CCDC12: variants seen among roughly 807,000 people sequenced by gnomAD.
CCDC12 encodes the protein coiled-coil domain-containing protein 12.
In CCDC12, 28 loss-of-function variants were observed where a neutral mutation model predicts 25.7. That is an observed-to-expected ratio of 1.09 (90% CI 0.81 to 1.50). The LOEUF is 1.50. Among genes scored for constraint, CCDC12 ranks in the 40% most tolerant of loss-of-function variants. CCDC12 has a pLI of 0.00. For missense variants in CCDC12, 198 were observed against 210.0 expected (o/e 0.94, Z 0.35); for synonymous variants, 75 against 87.7 (o/e 0.86, Z 0.81).
chr3:46,934,990 C>T (rs2033387174), intron 2 of CCDC12, among the ~76,000 whole-genome samples: 1 of 152,212 alleles, frequency 6.6e-6, no homozygotes, highest in Admixed American at 6.5e-5. Flanking sequence ...CAGTGGGGCC[C>T]AGCACACAGA....
chr3:46,954,958 A>G (rs62248439), intron 1 of CCDC12, among the ~76,000 whole-genome samples: 55,511 of 151,732 alleles, frequency 0.37, 10,739 homozygotes, highest in Middle Eastern at 0.52. Flanking sequence ...CCGACAGCCA[A>G]CACCACAGCT....
At chr3:46,972,239 C>T (rs6442049) in intron 1 of CCDC12, among the ~76,000 whole-genome samples, 143,722 of 152,028 alleles carry the variant, frequency 0.95, 68,493 homozygotes, top group East Asian at 1. Flanking sequence ...GAGGCCAAAG[C>T]AGGAGGACTG....
At chr3:46,939,320 CACCT>C (rs1316893875) in intron 2 of CCDC12, among the ~76,000 whole-genome samples, 2 of 152,144 alleles carry the variant, frequency 1.3e-5, no homozygotes, top group Admixed American at 1.3e-4. Flanking sequence ...CCCACCCACC[CACCT>C]GCTAAACCAG....
intron 1 of CCDC12, among the ~76,000 whole-genome samples, chr3:46,944,458 G>C (rs1383984188): frequency 6.6e-6 from 1 of 152,108 alleles, no homozygotes; most frequent in East Asian, 1.9e-4. Flanking sequence ...CAGTAGGAAA[G>C]CAGGCAAGGC....
intron 1 of CCDC12, among the ~76,000 whole-genome samples, chr3:46,966,546 C>T (rs952474357): frequency 3.3e-5 from 5 of 151,628 alleles, no homozygotes; most frequent in African/African-American, 4.9e-5. Context: ...AAAGAAAGAA[C>T]GAAAGAAAAG....
chr3:46,940,023 A>G (rs1295469365), intron 2 of CCDC12, among the ~76,000 whole-genome samples: 4 of 152,186 alleles, frequency 2.6e-5, no homozygotes, highest in Non-Finnish European at 5.9e-5. Flanking sequence ...AGCAAAGGAA[A>G]TCAAGGCAAC....
upstream of CCDC12, chr3:46,977,018 A>G: frequency 2.0e-6 from 1 of 495,450 alleles, no homozygotes; most frequent in Non-Finnish European, 3.6e-6. Context: ...GATCAGTGAA[A>G]GAGCAGCAAG....
rs989563224 is a variant in CCDC12, at chr3:46,922,107, C to T, written c.451G>A (p.Ala151Thr). The T allele has an allele frequency of 1.2e-6, 2 of 1,614,280 alleles. No homozygotes were observed. The highest frequency in any genetic ancestry group is 8.5e-7 in the Non-Finnish European group (1 of 1,180,046). Residue 151 changes from alanine (A) to threonine (T), a missense_variant, in exon 7 of 7, where the codon GCC becomes ACC. By Grantham distance (58) the Ala-to-Thr change is moderately conservative. Coordinates refer to ENST00000683445, the MANE Select transcript of CCDC12 (RefSeq NM_001277074.2). Reference sequence around the variant, plus strand: ...TCGGTGGCAGCATCCACTGCAGAGGCTAGGCTGTCTTCCTGGCCTTTCAGC... The same window carrying T: ...TCGGTGGCAGCATCCACTGCAGAGGTTAGGCTGTCTTCCTGGCCTTTCAGC... Reference protein sequence around the residue: ...ERLKGQEDSLASAVDAATEQK... With the variant: ...ERLKGQEDSLTSAVDAATEQK...
rs554455013 is a variant in CCDC12 at position 46,940,112 on chromosome 3, C to T, written c.164+886G>A. 6.9e-4 allele frequency among the ~76,000 whole-genome samples: 105 copies of T among 152,338 alleles called. 1 individual carries two copies. The highest frequency in any genetic ancestry group is 4.4e-4 in the Non-Finnish European group (30 of 68,032). On this transcript the variant is annotated intron_variant, in intron 2 of 6. Transcript: ENST00000683445. ...TAGGCATGGGAGGGAGGACATGAGA[C>T]CTCTGGAACTGCTGACACGGGAGTG...
intron 2 of CCDC12, among the ~76,000 whole-genome samples, chr3:46,934,183 A>T (rs1006270918): frequency 2.0e-5 from 3 of 152,276 alleles, no homozygotes; most frequent in Non-Finnish European, 4.4e-5. Flanking sequence ...TGGATTGGTC[A>T]CACTGGCCAT....
intron 2 of CCDC12, among the ~76,000 whole-genome samples, chr3:46,926,551 C>T (rs1293980727): frequency 1.3e-5 from 2 of 152,088 alleles, no homozygotes; most frequent in Non-Finnish European, 2.9e-5. Context: ...TCCTCTCTGG[C>T]TCAGGGGCTC....
intron 1 of CCDC12, among the ~76,000 whole-genome samples, chr3:46,962,839 G>A (rs1411747991): frequency 6.6e-6 from 1 of 152,098 alleles, no homozygotes; most frequent in African/African-American, 2.4e-5. Context: ...ACACCCTACG[G>A]CCTAGCAATT....
At chr3:46,938,092 A>T (rs1252152070) in intron 2 of CCDC12, among the ~76,000 whole-genome samples, 1 of 152,196 alleles carries the variant, frequency 6.6e-6, no homozygotes, top group Non-Finnish European at 1.5e-5. Flanking sequence ...ACCATGCTCC[A>T]CTGCCTCAAA....
chr3:46,951,808 T>TCCC (rs2034135948), intron 1 of CCDC12, among the ~76,000 whole-genome samples: 2 of 39,058 alleles, frequency 5.1e-5, no homozygotes, highest in African/African-American at 1.6e-4. Flanking sequence ...AATATATATA[T>TCCC]ATATATATAT....
chr3:46,935,328 A>G (rs1195479521), intron 2 of CCDC12, among the ~76,000 whole-genome samples: 1 of 152,050 alleles, frequency 6.6e-6, no homozygotes, highest in Non-Finnish European at 1.5e-5. Flanking sequence ...GGAGGAGGCG[A>G]GTGCTCCTGG....
At chr3:46,975,142 G>A (rs1317503909) in intron 1 of CCDC12, among the ~76,000 whole-genome samples, 1 of 152,026 alleles carries the variant, frequency 6.6e-6, no homozygotes, top group Non-Finnish European at 1.5e-5. Context: ...TAATAGGCTA[G>A]TAGGCCCATC....
chr3:46,946,502 G>A (rs1010844679), intron 1 of CCDC12, among the ~76,000 whole-genome samples: 1 of 152,256 alleles, frequency 6.6e-6, no homozygotes, highest in Admixed American at 6.5e-5. Flanking sequence ...TGAGAGCGGA[G>A]CAAGAGCACT....
chr3:46,933,042 G>A (rs969884286), intron 2 of CCDC12, among the ~76,000 whole-genome samples: 1 of 152,244 alleles, frequency 6.6e-6, no homozygotes, highest in African/African-American at 2.4e-5. Context: ...AACTGCAGTA[G>A]AGAAGCTACC....
intron 1 of CCDC12, among the ~76,000 whole-genome samples, chr3:46,960,176 C>T (rs994282717): frequency 9.9e-5 from 15 of 152,010 alleles, no homozygotes; most frequent in Non-Finnish European, 1.3e-4. Flanking sequence ...CCAGCCTGAC[C>T]GTGCTTGAGG....
Sources: gnomAD v4.1 joint callset for allele counts (sites outside exome capture counted in the v4.1 genomes callset) on GRCh38, gnomAD v4.1.1 for gene constraint, MANE v1.5 for transcripts, NCBI Gene and HGNC (gene_info 2026-07-23, HGNC 2026-07-21) for gene names.